IL15RA: variants seen among roughly 807,000 people sequenced by gnomAD.
IL15RA encodes interleukin-15 receptor subunit alpha.
IL15RA carries 26 observed loss-of-function variants against 24.2 expected under a neutral mutation model. That is an observed-to-expected ratio of 1.07 (90% CI 0.79 to 1.49). The LOEUF is 1.49. IL15RA is among the 40% of genes most tolerant of loss of function. IL15RA has a pLI of 0.00. For synonymous variants in IL15RA, 166 were observed against 157.6 expected, an observed-to-expected ratio of 1.05 and a Z score of -0.40; for missense variants, 354 against 356.4, an observed-to-expected ratio of 0.99 and a Z score of 0.05.
At chr10:5,954,942 C>T (rs1834319023) in intron 6 of IL15RA, among the ~76,000 whole-genome samples, 1 of 152,018 alleles carries the variant, frequency 6.6e-6, no homozygotes, top group South Asian at 2.1e-4. Flanking sequence ...GTTAATTTCT[C>T]AACTGTTTAT....
At chr10:5,949,427 G>A, downstream of IL15RA, 1 of 466,190 alleles carries the variant, frequency 2.1e-6, no homozygotes, top group South Asian at 1.6e-5. The surrounding 1 kb of genome is among the most constrained non-coding windows in gnomAD (Gnocchi z 4.4). Context: ...GTTCTGATTA[G>A]TGCCTAGCAG....
chr10:5,977,110 G>A (rs1589271445), intron 1 of IL15RA: 1 of 291,840 alleles, frequency 3.4e-6, no homozygotes, highest in East Asian at 5.6e-5. Flanking sequence ...GCCAAAACGG[G>A]CTTCTCAGAA....
rs781060608 is a variant in IL15RA at position 5,965,344 on chromosome 10, T to A, written c.283+801A>T. Among the ~76,000 whole-genome samples the A allele has an allele frequency of 2.6e-5, 4 of 152,252 alleles. No homozygotes were observed. Among genetic ancestry groups the A allele is most frequent in the Non-Finnish European group, 5.9e-5 (4 of 68,042 alleles). On this transcript the variant is annotated intron_variant, in intron 2 of 6. Coordinates refer to ENST00000379977, the MANE Select transcript of IL15RA (RefSeq NM_002189.4). This position sits in a 1 kb window ranked among gnomAD's most constrained non-coding sequence, Gnocchi z 5.8. Reference sequence around the variant, plus strand: ...TGTGCCCATCCCCGGGGCTGGGTACTGAGAGAGGAGCAGTGATGGCTTCCA... The same window carrying A: ...TGTGCCCATCCCCGGGGCTGGGTACAGAGAGAGGAGCAGTGATGGCTTCCA...
At chr10:5,977,378 C>A (rs1258180045) in intron 1 of IL15RA, 27 bp downstream of exon 1, 1 of 1,153,566 alleles carries the variant, frequency 8.7e-7, no homozygotes, top group Non-Finnish European at 1.1e-6. Flanking sequence ...AAGTCCCGCC[C>A]GGGCGCCCCT....
chr10:5,954,820 A>T (rs1251043161), intron 6 of IL15RA, among the ~76,000 whole-genome samples: 1 of 152,192 alleles, frequency 6.6e-6, no homozygotes, highest in Admixed American at 6.5e-5. Context: ...GAAATTCTGT[A>T]GTTATTAATA....
downstream of IL15RA, among the ~76,000 whole-genome samples, chr10:5,951,141 C>CAAAAAAAAAAAAAAAAAAAAA (rs60771366): frequency 2.8e-5 from 1 of 35,952 alleles, no homozygotes; most frequent in African/African-American, 1.2e-4. Context: ...GACTCAGTCT[C>CAAAAAAAAAAAAAAAAAAAAA]AAAAAAAAAA....
downstream of IL15RA, among the ~76,000 whole-genome samples, chr10:5,951,628 C>A (rs1277340368): frequency 1.3e-5 from 2 of 152,172 alleles, no homozygotes; most frequent in Admixed American, 6.5e-5. Context: ...GAGTTTGAGA[C>A]CAGTCTGGCC....
Position 5,968,670 on chromosome 10 carries a change from G to C in IL15RA, c.89-2331C>G. On this transcript the variant is annotated intron_variant, in intron 1 of 6. Coordinates refer to ENST00000379977, the MANE Select transcript of IL15RA (RefSeq NM_002189.4). The surrounding 1 kb of genome is among the most constrained non-coding windows in gnomAD (Gnocchi z 5.4). ...GTCAGAGGCTTTTTCTCCATGTTCT[G>C]CTCCACACTGATCTTCTGTCCTTCT... 1.5e-6 allele frequency: 1 copy of C among 669,206 alleles called. No individual in the cohort carries two copies. The highest frequency in any genetic ancestry group is 2.7e-6 in the Non-Finnish European group (1 of 366,754). The allele number at this position is 669,206 out of a possible 1,614,324, so 41.5% of individuals were successfully genotyped here.
Position 5,961,129 on chromosome 10 carries a change from G to A in IL15RA, c.383-562C>T, listed in dbSNP as rs368902651. Among the ~76,000 whole-genome samples the A allele has an allele frequency of 1.2e-4, 19 of 152,228 alleles. No homozygotes were observed. In the South Asian group the frequency reaches 2.7e-3, roughly 22 times the overall value. On this transcript the variant is annotated intron_variant, in intron 3 of 6. Coordinates refer to ENST00000379977, the MANE Select transcript of IL15RA (RefSeq NM_002189.4). This position sits in a 1 kb window ranked among gnomAD's most constrained non-coding sequence, Gnocchi z 5.2. ...GGGGTTTCACCACGTTGGCCAGGCC[G>A]GTCTCAAACTCCTGACCTTAGGTGA...
intron 1 of IL15RA, among the ~76,000 whole-genome samples, chr10:5,976,354 C>T (rs186914018): frequency 1.3e-5 from 2 of 152,350 alleles, no homozygotes; most frequent in African/African-American, 4.8e-5. Context: ...TGGCCAGGGC[C>T]TGGGCAGACT....
chr10:5,956,483 C>T (rs1295155658), intron 5 of IL15RA, 29 bp from the exon 6 acceptor site: 3 of 1,533,110 alleles, frequency 2.0e-6, no homozygotes, highest in Non-Finnish European at 2.7e-6. Flanking sequence ...CGCTGAGATA[C>T]CCAGAAGCAC....
chr10:5,962,346 C>T lies in IL15RA; in HGVS notation c.382+1397G>A, dbSNP rs765501603. 3.9e-5 allele frequency among the ~76,000 whole-genome samples: 6 copies of T among 152,148 alleles called. No individual in the cohort carries two copies. The highest frequency in any genetic ancestry group is 8.8e-5 in the Non-Finnish European group (6 of 68,034). ...GTGGCTCACACCTGTAATCCCAGCA[C>T]TTTGGGAGACTAAGGCTTGCGGATC... is the stretch of plus-strand genomic sequence containing the variant. On this transcript the variant is annotated intron_variant, in intron 3 of 6. Coordinates refer to ENST00000379977, the MANE Select transcript of IL15RA (RefSeq NM_002189.4). The surrounding 1 kb of genome is among the most constrained non-coding windows in gnomAD (Gnocchi z 5.2).
At position 5,959,637 on chromosome 10, in the gene IL15RA, T is replaced by C; in HGVS notation, c.616+117A>G. ...TTATCTGATGGAGGCCTTCTGAGTG[T>C]GGAAGGGGCTGCTGTCAGGGCTGTG... On this transcript the variant is annotated intron_variant, in intron 5 of 6. Transcript: ENST00000379977. This position sits in a 1 kb window ranked among gnomAD's most constrained non-coding sequence, Gnocchi z 4.1. 1.2e-6 allele frequency: 1 copy of C among 828,910 alleles called. No individual in the cohort carries two copies. 51.3% of individuals were successfully genotyped at this position (828,910 alleles called of 1,614,324 possible). A position where few individuals can be genotyped will look rare whatever the true frequency, so the allele number is the denominator to read the frequency against.
chr10:5,949,606 G>C (rs41294015), downstream of IL15RA, among the ~76,000 whole-genome samples: 6 of 152,168 alleles, frequency 3.9e-5, no homozygotes, highest in East Asian at 9.7e-4. The surrounding 1 kb of genome is among the most constrained non-coding windows in gnomAD (Gnocchi z 4.4). Context: ...GGGGAACAGG[G>C]GGGTGAGCAG....
downstream of IL15RA, among the ~76,000 whole-genome samples, chr10:5,949,825 G>A (rs41294017): frequency 6.6e-5 from 10 of 152,140 alleles, no homozygotes; most frequent in Admixed American, 2.0e-4. This position sits in a 1 kb window ranked among gnomAD's most constrained non-coding sequence, Gnocchi z 4.4. Flanking sequence ...TGCCAGGCAC[G>A]GTGGCTCAAG....
At chr10:5,956,357 G>A (rs1288908653) in intron 6 of IL15RA, 22 bp downstream of exon 6, 2 of 1,583,802 alleles carry the variant, frequency 1.3e-6, no homozygotes, top group Admixed American at 1.7e-5. Flanking sequence ...CTCTTGCAGA[G>A]GGAGTATCCA....
chr10:5,955,945 T>C lies in IL15RA; in HGVS notation c.692+434A>G, dbSNP rs1279030717. ...CATTGGCTCCTAGAGAAGGGGTGTG[T>C]GAGAGCCGATGGCCAGGAAAGGCGT... On this transcript the variant is annotated intron_variant, in intron 6 of 6. Transcript: ENST00000379977. This position sits in a 1 kb window ranked among gnomAD's most constrained non-coding sequence, Gnocchi z 5.3. Among the ~76,000 whole-genome samples the C allele has an allele frequency of 1.3e-5, 2 of 152,084 alleles. No individual in the cohort carries two copies. Among genetic ancestry groups the C allele is most frequent in the Non-Finnish European group, 2.9e-5 (2 of 68,010 alleles).
intron 5 of IL15RA, among the ~76,000 whole-genome samples, chr10:5,957,901 A>G (rs954416864): frequency 6.6e-6 from 1 of 152,144 alleles, no homozygotes; most frequent in African/African-American, 2.4e-5. Context: ...TGATTTTTTA[A>G]TCTAATAAAA....
Position 5,966,478 on chromosome 10 carries a change from A to T in IL15RA, c.89-139T>A, listed in dbSNP as rs1350524608. On this transcript the variant is annotated intron_variant, in intron 1 of 6. Transcript: ENST00000379977. This position sits in a 1 kb window ranked among gnomAD's most constrained non-coding sequence, Gnocchi z 6.4. The stretch of plus-strand genomic sequence containing the variant: ...CAAGCCCCAGGTGCCAGGCACGTGG[A>T]GGATGTACAGGAAGAGCATCCTCAC... The T allele has an allele frequency of 3.1e-6, 2 of 639,760 alleles. No homozygotes were observed. Among genetic ancestry groups the T allele is most frequent in the Non-Finnish European group, 5.4e-6 (2 of 372,064 alleles). 39.6% of individuals were successfully genotyped at this position (639,760 alleles called of 1,614,324 possible).
Sources: gnomAD v4.1 joint callset for allele counts (sites outside exome capture counted in the v4.1 genomes callset) on GRCh38, gnomAD v4.1.1 for gene constraint, Gnocchi (gnomAD v3.1) non-coding constraint, MANE v1.5 for transcripts, NCBI Gene and HGNC (gene_info 2026-07-23, HGNC 2026-07-21) for gene names.